CTNNA2: variants seen among roughly 807,000 people sequenced by gnomAD.
The protein encoded by CTNNA2 is catenin alpha 2.
In CTNNA2, 42 loss-of-function variants were observed where a neutral mutation model predicts 101.0. The observed-to-expected ratio is 0.42, with a 90% CI of 0.32 to 0.54. The LOEUF (loss-of-function observed/expected upper bound fraction) is 0.54, where lower values mean the gene tolerates loss of function less well. CTNNA2 is among the 20% of genes least tolerant of loss of function. CTNNA2 has a pLI of 0.14. For synonymous variants in CTNNA2, 450 were observed against 456.4 expected (o/e 0.99, Z 0.18); for missense variants, 871 against 1,223.1 (o/e 0.71, Z 4.29).
At chr2:79,845,474 G>A (rs1393881223) in intron 3 of CTNNA2, among the ~76,000 whole-genome samples, 1 of 152,184 alleles carries the variant, frequency 6.6e-6, no homozygotes, top group Non-Finnish European at 1.5e-5. Context: ...CACTAAGAGA[G>A]TAAGGACAAG....
chr2:79,720,150 G>T (rs1035573785), intron 2 of CTNNA2, among the ~76,000 whole-genome samples: 2 of 152,012 alleles, frequency 1.3e-5, no homozygotes, highest in Admixed American at 6.6e-5. Flanking sequence ...TGAATAAGGG[G>T]TCCTTTCCCC....
At chr2:80,215,161 G>C (rs1316109122) in intron 7 of CTNNA2, among the ~76,000 whole-genome samples, 1 of 152,036 alleles carries the variant, frequency 6.6e-6, no homozygotes, top group Non-Finnish European at 1.5e-5. Context: ...CATTTGTCTA[G>C]TCTTTTTTTC....
chr2:80,431,401 G>T (rs909162526), intron 9 of CTNNA2, among the ~76,000 whole-genome samples: 1 of 152,124 alleles, frequency 6.6e-6, no homozygotes, highest in South Asian at 2.1e-4. Flanking sequence ...CTGACCCTCA[G>T]ATTTTGCATC....
At chr2:80,247,379 A>G (rs1045506849) in intron 7 of CTNNA2, among the ~76,000 whole-genome samples, 17 of 152,110 alleles carry the variant, frequency 1.1e-4, no homozygotes, top group Admixed American at 2.6e-4. Flanking sequence ...AGAAGATTGG[A>G]GCAATTAACC....
At chr2:80,584,448 G>A (rs1417684095) in intron 14 of CTNNA2, among the ~76,000 whole-genome samples, 2 of 149,412 alleles carry the variant, frequency 1.3e-5, no homozygotes, top group Admixed American at 1.3e-4. Flanking sequence ...GGGCGGTTTA[G>A]GAGGGGGGAA....
chr2:80,237,851 A>G (rs547298059), intron 7 of CTNNA2, among the ~76,000 whole-genome samples: 1 of 152,200 alleles, frequency 6.6e-6, no homozygotes, highest in African/African-American at 2.4e-5. Context: ...TGGTGGGTTG[A>G]GTTGGTCTTC....
chr2:79,940,066 A>AAAACC (rs913905289), intron 7 of CTNNA2, among the ~76,000 whole-genome samples: 1 of 152,118 alleles, frequency 6.6e-6, no homozygotes. Context: ...CGTCTCAAAC[A>AAAACC]AAACCAAACC....
At position 79,586,053 on chromosome 2, in the gene CTNNA2, G is replaced by A. The variant is rs766454542; in HGVS notation, c.-5-65499G>A. 3.9e-5 allele frequency among the ~76,000 whole-genome samples: 6 copies of A among 152,104 alleles called. No individual in the cohort carries two copies. The South Asian group carries it at 8.3e-4, about 21-fold the overall frequency. On this transcript the variant is annotated intron_variant, in intron 1 of 18. Coordinates refer to ENST00000402739, the MANE Select transcript of CTNNA2 (RefSeq NM_001282597.3). ...AAACTCTGTGAAGAACAAAAGTGTCGATGTTAGTCTGAAACCGACCCATGG... is the reference window on the plus strand; with the variant it reads ...AAACTCTGTGAAGAACAAAAGTGTCAATGTTAGTCTGAAACCGACCCATGG...
At chr2:80,043,095 C>CTT (rs1312488621) in intron 7 of CTNNA2, among the ~76,000 whole-genome samples, 752 of 19,722 alleles carry the variant, frequency 0.038, 9 homozygotes, top group South Asian at 0.087. Flanking sequence ...TTCTTTCTTT[C>CTT]TCTCTCTCTC....
chr2:79,280,656 TAAGAGAAAGA>T (rs1675343779), intron 2 of CTNNA2, among the ~76,000 whole-genome samples: 1 of 96,676 alleles, frequency 1.0e-5, no homozygotes, highest in African/African-American at 4.3e-5. Flanking sequence ...TGTGTGTGTG[TAAGAGAAAGA>T]GAGAGAGAGA....
chr2:80,323,787 C>G (rs778631988), intron 7 of CTNNA2, among the ~76,000 whole-genome samples: 22 of 152,110 alleles, frequency 1.4e-4, no homozygotes, highest in Admixed American at 3.9e-4. Context: ...ACAAATTCCT[C>G]CCATCATAGC....
At chr2:79,190,889 C>T (rs1294694784) in intron 1 of CTNNA2, among the ~76,000 whole-genome samples, 2 of 152,192 alleles carry the variant, frequency 1.3e-5, no homozygotes, top group Non-Finnish European at 2.9e-5. Context: ...ATCATCTTGG[C>T]CCAATGTGGT....
intron 7 of CTNNA2, among the ~76,000 whole-genome samples, chr2:79,941,851 T>C (rs2104459024): frequency 6.6e-6 from 1 of 152,200 alleles, no homozygotes; most frequent in South Asian, 2.1e-4. Context: ...ACTCCTGACC[T>C]CAAGTGATCT....
chr2:79,637,199 TG>T (rs1680132735), intron 1 of CTNNA2, among the ~76,000 whole-genome samples: 1 of 152,186 alleles, frequency 6.6e-6, no homozygotes, highest in Admixed American at 6.5e-5. Flanking sequence ...TTTTTTATTT[TG>T]TATTTTACTT....
At chr2:79,384,801 T>G (rs1479958841) in intron 4 of CTNNA2, among the ~76,000 whole-genome samples, 1 of 151,430 alleles carries the variant, frequency 6.6e-6, no homozygotes, top group African/African-American at 2.5e-5. Context: ...CCCACCTTCA[T>G]GATCTCTAAT....
intron 4 of CTNNA2, among the ~76,000 whole-genome samples, chr2:79,397,093 G>T (rs990993576): frequency 2.0e-5 from 3 of 151,996 alleles, no homozygotes; most frequent in Non-Finnish European, 4.4e-5. Context: ...TATTTTTATT[G>T]ATATACTAGA....
At chr2:80,104,477 G>A (rs369858129) in intron 7 of CTNNA2, among the ~76,000 whole-genome samples, 3 of 152,210 alleles carry the variant, frequency 2.0e-5, no homozygotes, top group East Asian at 1.9e-4. Context: ...AGCCAAGAAC[G>A]CTAAAAAAAC....
At chr2:80,157,874 G>C (rs1336099899) in intron 7 of CTNNA2, among the ~76,000 whole-genome samples, 1 of 151,998 alleles carries the variant, frequency 6.6e-6, no homozygotes, top group East Asian at 1.9e-4. Context: ...GCCTCAGCTG[G>C]GGGCAGCACT....
chr2:80,522,581 T>C (rs1463772336), intron 9 of CTNNA2, among the ~76,000 whole-genome samples: 1 of 152,120 alleles, frequency 6.6e-6, no homozygotes, highest in Non-Finnish European at 1.5e-5. Flanking sequence ...CCAAATCTCA[T>C]GTTGAATTGT....
Sources: gnomAD v4.1 joint callset for allele counts (sites outside exome capture counted in the v4.1 genomes callset) on GRCh38, gnomAD v4.1.1 for gene constraint, MANE v1.5 for transcripts, NCBI Gene and HGNC (gene_info 2026-07-23, HGNC 2026-07-21) for gene names.